Variants in RABL6 observed in about 807,000 individuals in gnomAD.
RABL6 encodes the protein RAB, member RAS oncogene family like 6, also known as rab-like protein 6.
RABL6 carries 28 observed loss-of-function variants against 72.9 expected under a neutral mutation model. The observed-to-expected ratio is 0.38, with a 90% CI of 0.28 to 0.53. The LOEUF (loss-of-function observed/expected upper bound fraction) is 0.53, where lower values mean the gene tolerates loss of function less well. Ranked by LOEUF, RABL6 falls within the 20% of genes least tolerant of loss-of-function variation. The probability of loss-of-function intolerance (pLI) is 0.80; values close to 1 mark genes in which losing one functional copy is unlikely to be tolerated. For synonymous variants in RABL6, 477 were observed against 421.2 expected, an observed-to-expected ratio of 1.13 and a Z score of -1.62; for missense variants, 1,029 against 1,008.4, an observed-to-expected ratio of 1.02 and a Z score of -0.28.
At chr9:136,832,096 A>G in intron 6 of RABL6, 169 bp from the exon 7 acceptor site, 2 of 867,736 alleles carry the variant, frequency 2.3e-6, no homozygotes, top group Non-Finnish European at 3.5e-6. Flanking sequence ...GGTCACCTGC[A>G]GAAGGGCACT....
chr9:136,808,337 C>CGGGCCG lies in RABL6; in HGVS notation c.130+15_130+20dup. On this transcript the variant is annotated intron_variant, in intron 1 of 14. Transcript: ENST00000311502. ...GGGTGCAGTACAACAGTGAGTGCGG[C>CGGGCCG]GGGCCGGGGGGGCGCGGGAGCGCCG... 1 of 1,511,010 alleles carries CGGGCCG rather than the reference C, an allele frequency of 6.6e-7. No homozygotes were observed. The highest frequency in any genetic ancestry group is 8.8e-7 in the Non-Finnish European group (1 of 1,130,208). The allele number at this position is 1,511,010 out of a possible 1,614,324, so 93.6% of individuals were successfully genotyped here.
chr9:136,830,110 C>G (rs1848441320), intron 5 of RABL6, among the ~76,000 whole-genome samples: 1 of 152,248 alleles, frequency 6.6e-6, no homozygotes, highest in Admixed American at 6.5e-5. Context: ...GTGCAGGGCC[C>G]CTCCTAGCCA....
intron 1 of RABL6, among the ~76,000 whole-genome samples, chr9:136,810,503 G>A (rs980823892): frequency 8.5e-5 from 13 of 152,196 alleles, no homozygotes; most frequent in African/African-American, 3.1e-4. Flanking sequence ...TTGAGTTTCT[G>A]TGTTAGAATA....
intron 1 of RABL6, chr9:136,814,827 T>G (rs908056900): frequency 6.5e-6 from 1 of 155,012 alleles, no homozygotes; most frequent in African/African-American, 2.4e-5. Flanking sequence ...GAAGCTGCTG[T>G]TTGGTCATTT....
At position 136,839,250 on chromosome 9, in the gene RABL6, A is replaced by AG; in HGVS notation, c.1527dup (p.Thr510AspfsTer32). ...CTCCATACCAGCTTCGAAGCCACGG[A>AG]GGGGGACAGCTCCCACGAGGACCGC... is the stretch of plus-strand genomic sequence containing the variant. On this transcript the variant is annotated frameshift_variant, in exon 12 of 15. Transcript: ENST00000311502. LOFTEE classifies it high-confidence loss of function. The AG allele has an allele frequency of 2.5e-6, 4 of 1,604,394 alleles. No homozygotes were observed. Among genetic ancestry groups the AG allele is most frequent in the Non-Finnish European group, 3.4e-6 (4 of 1,175,968 alleles).
In RABL6 at chr9:136,829,439, A is replaced by G; in HGVS notation, c.413A>G (p.Lys138Arg). ...GATGCTGAGTTCCTGGACGTGTACA[A>G]GAACTGCAACGGGGTGGTCATGATG... ...ALDAEFLDVY[K>R]NCNGVVMMFD... Residue 138 changes from lysine (K) to arginine (R), a missense_variant, in exon 5 of 15, where the codon AAG (lysine) becomes AGG (arginine). This residue lies in a region of RABL6 where 434 missense variants were observed against 536.1 expected (regional missense o/e 0.81). Transcript: ENST00000311502. 1 of 1,588,592 alleles carries G rather than the reference A, an allele frequency of 6.3e-7. No homozygotes were observed. The highest frequency in any genetic ancestry group is 8.6e-7 in the Non-Finnish European group (1 of 1,167,802).
Position 136,840,759 on chromosome 9 carries a change from G to C in RABL6, c.*237G>C, listed in dbSNP as rs1001336933. The C allele has an allele frequency of 6.5e-7, 1 of 1,548,242 alleles. No homozygotes were observed. Among genetic ancestry groups the C allele is most frequent in the Non-Finnish European group, 8.7e-7 (1 of 1,146,826 alleles). ...GGGACAGCTGGCTTCAGCCAGGCTC[G>C]GTGGACACCCTGGCCCTCTCGGGGC... On this transcript the variant is annotated 3_prime_UTR_variant, in exon 15 of 15. Transcript: ENST00000311502.
chr9:136,838,805 G>A lies in RABL6; in HGVS notation c.1281-104G>A, dbSNP rs535487763. The A allele has an allele frequency of 7.3e-5, 79 of 1,077,388 alleles. 1 individual carries two copies. Among genetic ancestry groups the A allele is most frequent in the South Asian group, 6.2e-4 (37 of 59,952 alleles). The allele number at this position is 1,077,388 out of a possible 1,614,324, so 66.7% of individuals were successfully genotyped here. A position where few individuals can be genotyped will look rare whatever the true frequency, so the allele number is the denominator to read the frequency against. On this transcript the variant is annotated intron_variant, in intron 10 of 14. Transcript: ENST00000311502. ...AGCACCTGGGGTGGGGTGGCCCCAC[G>A]GCCAGGGTGTGCTGGGTACCAGGGC...
chr9:136,821,589 A>G, intron 1 of RABL6: 1 of 986,370 alleles, frequency 1.0e-6, no homozygotes, highest in Non-Finnish European at 1.2e-6. Context: ...GACTGAGCCC[A>G]GAGCTGTGGG....
Position 136,840,925 on chromosome 9 carries a change from G to A in RABL6, c.*403G>A. The A allele has an allele frequency of 6.8e-7, 1 of 1,478,746 alleles. No homozygotes were observed. The highest frequency in any genetic ancestry group is 9.0e-7 in the Non-Finnish European group (1 of 1,110,202). 91.6% of individuals were successfully genotyped at this position (1,478,746 alleles called of 1,614,324 possible). On this transcript the variant is annotated 3_prime_UTR_variant, in exon 15 of 15. Coordinates refer to ENST00000311502, the MANE Select transcript of RABL6 (RefSeq NM_024718.5). ...CTGCTTGCCCTCCGCGCTCATCTGG[G>A]GCCGCAGCATGCCTATGGTTCCGCT...
In RABL6 at chr9:136,841,040, G is replaced by C. The variant is rs1848688151; in HGVS notation, c.*518G>C. On this transcript the variant is annotated 3_prime_UTR_variant, in exon 15 of 15. Coordinates refer to ENST00000311502, the MANE Select transcript of RABL6 (RefSeq NM_024718.5). ...TAGAAGGCTGGCGAGACCGAAGGCA[G>C]CATGTGAGGCCTCTCCTGGGAGTGG... 1.7e-5 allele frequency: 24 copies of C among 1,427,958 alleles called. No individual in the cohort carries two copies. The South Asian group carries it at 2.9e-4, about 17-fold the overall frequency. The allele number at this position is 1,427,958 out of a possible 1,614,324, so 88.5% of individuals were successfully genotyped here.
chr9:136,808,067 C>T lies in RABL6; in HGVS notation c.-130C>T, dbSNP rs1847904694. On this transcript the variant is annotated 5_prime_UTR_variant, in exon 1 of 15. Transcript: ENST00000311502. Reference sequence around the variant, plus strand: ...GGGCTGCGCTCCGCCGCCGGGACCCCGGCCTCTGGCCGCGCCGGCTCCGGC... The same window carrying T: ...GGGCTGCGCTCCGCCGCCGGGACCCTGGCCTCTGGCCGCGCCGGCTCCGGC... The T allele has an allele frequency of 8.8e-7, 1 of 1,134,646 alleles. No individual in the cohort carries two copies. Among genetic ancestry groups the T allele is most frequent in the African/African-American group, 1.7e-5 (1 of 59,924 alleles). The allele number at this position is 1,134,646 out of a possible 1,614,324, so 70.3% of individuals were successfully genotyped here.
chr9:136,840,632 C>T lies in RABL6; in HGVS notation c.*110C>T, dbSNP rs569549676. Reference sequence around the variant, plus strand: ...GCCGCTGCCCCGTGGCTGCCGTGTGCGCTTCTGAGCTGGAAGAGGCCGGGC... The same window carrying T: ...GCCGCTGCCCCGTGGCTGCCGTGTGTGCTTCTGAGCTGGAAGAGGCCGGGC... On this transcript the variant is annotated 3_prime_UTR_variant, in exon 15 of 15. Coordinates refer to ENST00000311502, the MANE Select transcript of RABL6 (RefSeq NM_024718.5). 21 of 1,549,598 alleles carry T rather than the reference C, an allele frequency of 1.4e-5. No individual in the cohort carries two copies. Among genetic ancestry groups the T allele is most frequent in the African/African-American group, 1.1e-4 (8 of 73,140 alleles).
chr9:136,812,769 A>G (rs1848039725), intron 1 of RABL6: 1 of 336,694 alleles, frequency 3.0e-6, no homozygotes, highest in Admixed American at 3.1e-5. Flanking sequence ...AGGGAAAGAC[A>G]AAGGGACAGA....
intron 5 of RABL6, among the ~76,000 whole-genome samples, chr9:136,831,282 C>T (rs1051611848): frequency 1.3e-5 from 2 of 152,184 alleles, no homozygotes; most frequent in Non-Finnish European, 2.9e-5. Flanking sequence ...CACCGGCAGC[C>T]GCAGAGGCAC....
At position 136,837,941 on chromosome 9, in the gene RABL6, C is replaced by T. The variant is rs767407476; in HGVS notation, c.1206C>T (p.Ser402=). The change falls in exon 10 of 15, where the codon AGC becomes AGT. Residue 402 remains serine (S), a synonymous_variant. Transcript: ENST00000311502. Reference sequence around the variant, plus strand: ...TTCCTGACGACCGCCTGGACCGCAGCTTCCTGGAAGACACAACCCCCGCCA... The same window carrying T: ...TTCCTGACGACCGCCTGGACCGCAGTTTCCTGGAAGACACAACCCCCGCCA... ...DFVPDDRLDR[S]FLEDTTPARD... The T allele has an allele frequency of 1.3e-5, 20 of 1,562,248 alleles. No individual in the cohort carries two copies. In the South Asian group the frequency reaches 2.2e-4, roughly 18 times the overall value.
chr9:136,832,191 TGTGGGCCCAGGG>T (rs1485226489), intron 6 of RABL6, 62 bp from the exon 7 acceptor site: 1 of 1,383,348 alleles, frequency 7.2e-7, no homozygotes, highest in Non-Finnish European at 1.0e-6. Context: ...GACCCACAGC[TGTGGGCCCAGGG>T]GTGATCCTTG....
chr9:136,832,694 C>A, intron 7 of RABL6: 1 of 386,844 alleles, frequency 2.6e-6, no homozygotes, highest in East Asian at 6.2e-5. Context: ...TGCAGTGGCG[C>A]AATCATGGCT....
rs1366237162 is a variant in RABL6, at chr9:136,808,610, G to A, written c.130+284G>A. ...TGTGCAGTGGAGCGGGTCGGCGGCG[G>A]CGGGGTTGGCCCGGCTGCCCGGCCC... is the stretch of plus-strand genomic sequence containing the variant. On this transcript the variant is annotated intron_variant, in intron 1 of 14. Coordinates refer to ENST00000311502, the MANE Select transcript of RABL6 (RefSeq NM_024718.5). The A allele has an allele frequency of 1.6e-5, 3 of 185,238 alleles. No individual in the cohort carries two copies. In the Admixed American group the frequency reaches 1.9e-4, roughly 12 times the overall value. 11.5% of individuals were successfully genotyped at this position (185,238 alleles called of 1,614,324 possible).
Sources: gnomAD v4.1 joint callset for allele counts (sites outside exome capture counted in the v4.1 genomes callset) on GRCh38, gnomAD v4.1.1 for gene constraint, gnomAD v4.1.1 regional missense constraint, MANE v1.5 for transcripts, NCBI Gene and HGNC (gene_info 2026-07-23, HGNC 2026-07-21) for gene names.